NRXN1: variants seen among roughly 807,000 people sequenced by gnomAD.
NRXN1 encodes neurexin 1.
NRXN1 carries 39 observed loss-of-function variants against 150.9 expected under a neutral mutation model. The ratio of observed to expected loss-of-function variants is 0.26; its 90% CI spans 0.20 to 0.34. NRXN1 has a LOEUF of 0.34. Among genes scored for constraint, NRXN1 ranks in the 10% least tolerant of loss-of-function variants. The pLI is 1.00. For synonymous variants in NRXN1, 924 were observed against 757.0 expected (o/e 1.22, Z -3.62); for missense variants, 1,815 against 1,949.9 (o/e 0.93, Z 1.30).
intron 15 of NRXN1, among the ~76,000 whole-genome samples, chr2:50,488,860 TAAG>T (rs1414803937): frequency 6.6e-6 from 1 of 152,188 alleles, no homozygotes; most frequent in Non-Finnish European, 1.5e-5. Flanking sequence ...GCTCGAATTC[TAAG>T]AAGACAACGC....
chr2:49,968,886 C>CAGCA (rs1054019695), intron 21 of NRXN1, among the ~76,000 whole-genome samples: 35 of 152,192 alleles, frequency 2.3e-4, no homozygotes, highest in African/African-American at 6.5e-4. Context: ...ACTTTTAAGG[C>CAGCA]AGCAAGTGTC....
At chr2:50,445,413 A>ACTCT (rs2086314620) in intron 17 of NRXN1, among the ~76,000 whole-genome samples, 1 of 152,200 alleles carries the variant, frequency 6.6e-6, no homozygotes, top group East Asian at 1.9e-4. Context: ...CACAAAGGGA[A>ACTCT]TGAATCATTG....
chr2:50,656,506 T>C lies in NRXN1; in HGVS notation c.833-32891A>G, dbSNP rs1028162516. 1.9e-5 allele frequency: 12 copies of C among 632,156 alleles called. No homozygotes were observed. In the Admixed American group the frequency reaches 3.2e-4, roughly 17 times the overall value. The allele number at this position is 632,156 out of a possible 1,614,324, so 39.2% of individuals were successfully genotyped here. On this transcript the variant is annotated intron_variant, in intron 5 of 22. Coordinates refer to ENST00000401669, the MANE Select transcript of NRXN1 (RefSeq NM_001330078.2). ...ATTCACACCAACTGAGGTCTGGGGG[T>C]GAAAGGGGAAGTTAATTTATCCCCT...
intron 21 of NRXN1, among the ~76,000 whole-genome samples, chr2:50,043,833 A>G (rs978303277): frequency 3.9e-5 from 6 of 152,148 alleles, no homozygotes; most frequent in African/African-American, 1.4e-4. Context: ...TGGGGAATCT[A>G]TAGTTGAATA....
chr2:50,435,910 A>G (rs573383096), intron 17 of NRXN1, among the ~76,000 whole-genome samples: 2 of 152,140 alleles, frequency 1.3e-5, no homozygotes, highest in Admixed American at 6.5e-5. Flanking sequence ...GTGACACACA[A>G]TTTACCTATA....
intron 5 of NRXN1, among the ~76,000 whole-genome samples, chr2:50,829,056 G>A (rs187063742): frequency 0.13 from 20,120 of 152,148 alleles, 1,790 homozygotes; most frequent in Non-Finnish European, 0.2. Flanking sequence ...GCAAAACCCC[G>A]TCTCCACCAA....
intron 18 of NRXN1, among the ~76,000 whole-genome samples, chr2:50,121,193 T>C (rs931087315): frequency 1.9e-4 from 29 of 152,028 alleles, no homozygotes; most frequent in African/African-American, 7.0e-4. Flanking sequence ...AGCTAATTTT[T>C]TGTATTTTTA....
At chr2:50,514,003 A>G (rs2092551339) in intron 12 of NRXN1, among the ~76,000 whole-genome samples, 1 of 152,194 alleles carries the variant, frequency 6.6e-6, no homozygotes, top group Non-Finnish European at 1.5e-5. Flanking sequence ...CTTCTGGTAT[A>G]TATATACTCT....
chr2:49,956,982 A>G (rs1675085050), intron 21 of NRXN1, among the ~76,000 whole-genome samples: 1 of 152,106 alleles, frequency 6.6e-6, no homozygotes. Flanking sequence ...GTAATTCCTA[A>G]GAGAGGTGAG....
chr2:50,576,349 G>A (rs1052085409), intron 8 of NRXN1, among the ~76,000 whole-genome samples: 19 of 150,954 alleles, frequency 1.3e-4, no homozygotes, highest in African/African-American at 4.1e-4. Context: ...GATTTTTTTT[G>A]GCATTTTTGA....
intron 5 of NRXN1, among the ~76,000 whole-genome samples, chr2:50,748,886 C>T (rs537972106): frequency 2.6e-5 from 4 of 152,152 alleles, no homozygotes; most frequent in East Asian, 1.9e-4. Context: ...TGTCTGGTTT[C>T]GGTTTTGGAG....
At chr2:50,581,246 A>G (rs1369030486) in intron 8 of NRXN1, among the ~76,000 whole-genome samples, 2 of 152,194 alleles carry the variant, frequency 1.3e-5, no homozygotes, top group East Asian at 1.9e-4. Flanking sequence ...AAAAATAAAA[A>G]TGTTTGGCTA....
At chr2:51,001,332 C>T (rs1050322943) in intron 2 of NRXN1, among the ~76,000 whole-genome samples, 1 of 151,572 alleles carries the variant, frequency 6.6e-6, no homozygotes, top group African/African-American at 2.4e-5. Context: ...AAAAGCAAGC[C>T]AGAGCAAAAA....
At chr2:50,105,857 G>T (rs1273033650) in intron 18 of NRXN1, among the ~76,000 whole-genome samples, 1 of 151,738 alleles carries the variant, frequency 6.6e-6, no homozygotes, top group East Asian at 1.9e-4. Context: ...TACATACATA[G>T]TTTATATGGT....
At chr2:50,060,275 C>T (rs1223162948) in intron 19 of NRXN1, among the ~76,000 whole-genome samples, 1 of 152,108 alleles carries the variant, frequency 6.6e-6, no homozygotes, top group Non-Finnish European at 1.5e-5. Flanking sequence ...GATTTGACTG[C>T]CCCACTGTAT....
intron 8 of NRXN1, among the ~76,000 whole-genome samples, chr2:50,609,321 T>A (rs1007936265): frequency 6.6e-6 from 1 of 152,094 alleles, no homozygotes. Flanking sequence ...AATTTCAAGA[T>A]GACAAGAAGA....
intron 21 of NRXN1, among the ~76,000 whole-genome samples, chr2:50,043,741 T>C (rs1691376024): frequency 6.6e-6 from 1 of 152,240 alleles, no homozygotes; most frequent in Admixed American, 6.5e-5. Flanking sequence ...TGCTGGTCTA[T>C]GTTTAAGGAA....
chr2:50,442,627 T>A (rs1205411802), intron 17 of NRXN1, among the ~76,000 whole-genome samples: 1 of 152,128 alleles, frequency 6.6e-6, no homozygotes. Context: ...CATGCAAAAA[T>A]CTGAATATGA....
At chr2:50,845,476 A>G (rs150779243) in intron 5 of NRXN1, among the ~76,000 whole-genome samples, 44 of 152,210 alleles carry the variant, frequency 2.9e-4, no homozygotes, top group African/African-American at 1.0e-3. Flanking sequence ...CTCTATTCCA[A>G]TCATCCTCTA....
Sources: gnomAD v4.1 joint callset for allele counts (sites outside exome capture counted in the v4.1 genomes callset) on GRCh38, gnomAD v4.1.1 for gene constraint, MANE v1.5 for transcripts, NCBI Gene and HGNC (gene_info 2026-07-23, HGNC 2026-07-21) for gene names.